Variants in PAFAH2 observed in about 807,000 individuals in gnomAD.
The protein encoded by PAFAH2 is platelet-activating factor acetylhydrolase 2, cytoplasmic.
PAFAH2 carries 42 observed loss-of-function variants against 49.0 expected under a neutral mutation model. The ratio of observed to expected loss-of-function variants is 0.86; its 90% CI spans 0.67 to 1.11. The LOEUF (loss-of-function observed/expected upper bound fraction) is 1.11, where lower values mean the gene tolerates loss of function less well. Ranked by LOEUF, PAFAH2 falls within the 50% of genes least tolerant of loss-of-function variation. The pLI, the probability that PAFAH2 is intolerant of heterozygous loss-of-function variation, is 0.00. For missense variants in PAFAH2, 503 were observed against 501.8 expected (o/e 1.00, Z -0.02); for synonymous variants, 184 against 181.3 (o/e 1.01, Z -0.12).
chr1:25,994,783 A>C (rs1436767101), intron 1 of PAFAH2, among the ~76,000 whole-genome samples: 2 of 152,150 alleles, frequency 1.3e-5, no homozygotes, highest in African/African-American at 4.8e-5. Context: ...GAATCAGGAT[A>C]AGCGGACTTG....
At position 25,961,863 on chromosome 1, in the gene PAFAH2, G is replaced by T; in HGVS notation, c.*126C>A. The T allele has an allele frequency of 1.5e-6, 1 of 651,736 alleles. No homozygotes were observed. The highest frequency in any genetic ancestry group is 2.0e-5 in the South Asian group (1 of 49,108). The allele number at this position is 651,736 out of a possible 1,614,324, so 40.4% of individuals were successfully genotyped here. A position where few individuals can be genotyped will look rare whatever the true frequency, so the allele number is the denominator to read the frequency against. The stretch of plus-strand genomic sequence containing the variant: ...TACCCAGTTATCCAAGCAGCAGTGT[G>T]ATTACACCTTTCAATCTGTGAAAAG... On this transcript the variant is annotated 3_prime_UTR_variant, in exon 11 of 11. Coordinates refer to ENST00000374282, the MANE Select transcript of PAFAH2 (RefSeq NM_000437.4).
chr1:25,963,168 T>C (rs1204586298), intron 10 of PAFAH2, among the ~76,000 whole-genome samples: 1 of 152,186 alleles, frequency 6.6e-6, no homozygotes, highest in Non-Finnish European at 1.5e-5. Flanking sequence ...CTCTCATGCA[T>C]TTTTGGATTC....
At position 25,972,184 on chromosome 1, in the gene PAFAH2, C is replaced by G. The variant is rs1231743207; in HGVS notation, c.1084+374G>C. Among the ~76,000 whole-genome samples, 3 of 152,106 alleles carry G rather than the reference C, an allele frequency of 2.0e-5. No homozygotes were observed. In the East Asian group the frequency reaches 5.8e-4, roughly 29 times the overall value. On this transcript the variant is annotated intron_variant, in intron 10 of 10. Coordinates refer to ENST00000374282, the MANE Select transcript of PAFAH2 (RefSeq NM_000437.4). ...AATCATGGCTCACTGCAGCCTAGAC[C>G]TCCTAGGCTTAACTGATCCTCCCAC...
At chr1:25,985,905 A>G (rs1385711899) in intron 4 of PAFAH2, among the ~76,000 whole-genome samples, 1 of 152,252 alleles carries the variant, frequency 6.6e-6, no homozygotes, top group Non-Finnish European at 1.5e-5. Context: ...GGGCTGGCAC[A>G]GAGCAGGTGC....
chr1:25,994,632 G>C (rs1005804583), intron 1 of PAFAH2, among the ~76,000 whole-genome samples: 37 of 152,124 alleles, frequency 2.4e-4, no homozygotes, highest in African/African-American at 8.9e-4. Context: ...GAAACACTAG[G>C]GTTTGGCCAC....
At chr1:25,965,161 G>T (rs2049400277) in intron 10 of PAFAH2, among the ~76,000 whole-genome samples, 1 of 151,908 alleles carries the variant, frequency 6.6e-6, no homozygotes, top group South Asian at 2.1e-4. Flanking sequence ...ATATACATGG[G>T]GAAAAGATAC....
intron 10 of PAFAH2, among the ~76,000 whole-genome samples, chr1:25,969,133 C>T (rs1449082981): frequency 6.6e-6 from 1 of 152,206 alleles, no homozygotes; most frequent in Non-Finnish European, 1.5e-5. Context: ...ACTTCTCTAT[C>T]TTTGCCTTTC....
chr1:25,990,342 G>A (rs541367414), intron 2 of PAFAH2, among the ~76,000 whole-genome samples: 1 of 152,198 alleles, frequency 6.6e-6, no homozygotes, highest in Admixed American at 6.5e-5. Flanking sequence ...CCCCTACCCA[G>A]GTCAGGGAGT....
intron 6 of PAFAH2, among the ~76,000 whole-genome samples, 168 bp from the exon 7 acceptor site, chr1:25,982,645 C>T (rs1051588980): frequency 6.6e-6 from 1 of 152,180 alleles, no homozygotes; most frequent in Non-Finnish European, 1.5e-5. Flanking sequence ...TTGCAGCTCA[C>T]ATAAGCACTG....
intron 6 of PAFAH2, 59 bp downstream of exon 6, chr1:25,983,887 A>T (rs2049734716): frequency 4.4e-6 from 7 of 1,576,500 alleles, no homozygotes; most frequent in African/African-American, 2.7e-5. Flanking sequence ...CTTGCTATCA[A>T]ATATAGTAGG....
In PAFAH2 at chr1:25,980,995, TAAA is replaced by T. The variant is rs907850858; in HGVS notation, c.666+1366_666+1368del. ...AGAGTGAGGCCCTGTCTCAAAAAAA[TAAA>T]TAAATAAAAACAAATAATAAAGGTC... On this transcript the variant is annotated intron_variant, in intron 7 of 10. Transcript: ENST00000374282. 9.9e-5 allele frequency among the ~76,000 whole-genome samples: 15 copies of T among 151,854 alleles called. No homozygotes were observed. The East Asian group carries it at 2.9e-3, about 29-fold the overall frequency.
chr1:25,984,484 A>T lies in PAFAH2; in HGVS notation c.386T>A (p.Phe129Tyr), dbSNP rs1248547432. The change falls in exon 5 of 11, where the codon TTT becomes TAT. Residue 129 changes from phenylalanine (F) to tyrosine (Y), a missense_variant. Transcript: ENST00000374282. ...AFCMELASRG[F>Y]VVAVPEHRDR... ...CCTGTGCTCTGGCACAGCAACCACA[A>T]AGCCACGTGAGGCCAGCTCCATGCA... 1 of 1,613,888 alleles carries T rather than the reference A, an allele frequency of 6.2e-7. No individual in the cohort carries two copies. Among genetic ancestry groups the T allele is most frequent in the South Asian group, 1.1e-5 (1 of 91,050 alleles).
chr1:25,977,974 G>A (rs769052808), intron 7 of PAFAH2, among the ~76,000 whole-genome samples: 2 of 152,024 alleles, frequency 1.3e-5, no homozygotes, highest in East Asian at 3.9e-4. Context: ...TGCTTCACAC[G>A]TATCTATTTC....
chr1:25,979,737 G>A (rs1475909648), intron 7 of PAFAH2, among the ~76,000 whole-genome samples: 3 of 152,104 alleles, frequency 2.0e-5, no homozygotes, highest in Non-Finnish European at 2.9e-5. Context: ...TGGTCCGCCC[G>A]CCTCAGCCTC....
chr1:25,987,669 C>T (rs1414665893), intron 4 of PAFAH2, among the ~76,000 whole-genome samples: 1 of 150,468 alleles, frequency 6.6e-6, no homozygotes, highest in African/African-American at 2.5e-5. Context: ...GGCTTGAGCT[C>T]AGGAATTCAA....
chr1:25,991,857 C>T (rs1411818930), intron 1 of PAFAH2, among the ~76,000 whole-genome samples: 2 of 152,062 alleles, frequency 1.3e-5, no homozygotes, highest in Non-Finnish European at 2.9e-5. Flanking sequence ...TGCACCACTG[C>T]ACTCCAGCCT....
At chr1:25,978,537 G>C (rs1474457115) in intron 7 of PAFAH2, among the ~76,000 whole-genome samples, 1 of 152,194 alleles carries the variant, frequency 6.6e-6, no homozygotes, top group Non-Finnish European at 1.5e-5. Flanking sequence ...TGGTCTCACA[G>C]CTAAACTGTT....
At chr1:25,971,649 C>T (rs1215392661) in intron 10 of PAFAH2, among the ~76,000 whole-genome samples, 1 of 152,146 alleles carries the variant, frequency 6.6e-6, no homozygotes, top group East Asian at 1.9e-4. Context: ...TCTATAACTG[C>T]ACTCCCACCC....
At chr1:25,985,736 C>A (rs1238599820) in intron 4 of PAFAH2, among the ~76,000 whole-genome samples, 1 of 152,236 alleles carries the variant, frequency 6.6e-6, no homozygotes, top group Non-Finnish European at 1.5e-5. Flanking sequence ...AAAGCAGCAT[C>A]AAAAACCACC....
Sources: allele counts gnomAD v4.1 joint callset (sites outside exome capture counted in the v4.1 genomes callset), GRCh38; gene constraint gnomAD v4.1.1; transcripts MANE v1.5; gene names NCBI Gene and HGNC (gene_info 2026-07-23, HGNC 2026-07-21).